The following CYP19A1 variants were observed in gnomAD, a reference collection of about 807,000 sequenced individuals.
CYP19A1 encodes the protein aromatase.
A neutral mutation model predicts 44.4 loss-of-function variants in CYP19A1; 32 were observed. The ratio of observed to expected loss-of-function variants is 0.72; its 90% confidence interval spans 0.54 to 0.97. The LOEUF (loss-of-function observed/expected upper bound fraction) is 0.97, where lower values mean the gene tolerates loss of function less well. Among genes scored for constraint, CYP19A1 ranks in the 50% least tolerant of loss-of-function variants. The probability of loss-of-function intolerance (pLI) is 0.00; values close to 1 mark genes in which losing one functional copy is unlikely to be tolerated. For synonymous variants in CYP19A1, 212 were observed against 215.6 expected, an observed-to-expected ratio of 0.98 and a Z score of 0.14; for missense variants, 598 against 637.8, an observed-to-expected ratio of 0.94 and a Z score of 0.67.
intron 5 of CYP19A1, among the ~76,000 whole-genome samples, chr15:51,220,389 C>T (rs954334332): frequency 6.6e-6 from 1 of 152,210 alleles, no homozygotes; most frequent in African/African-American, 2.4e-5. Context: ...GGAATGTAAG[C>T]CCCTTGAAGG....
intron 1 of CYP19A1, among the ~76,000 whole-genome samples, chr15:51,260,302 G>C (rs532803827): frequency 9.8e-5 from 15 of 152,348 alleles, no homozygotes; most frequent in Non-Finnish European, 1.9e-4. Context: ...TAAATGTGAA[G>C]TCAGGGGAAA....
intron 1 of CYP19A1, among the ~76,000 whole-genome samples, chr15:51,296,513 C>T (rs1046804732): frequency 2.0e-5 from 3 of 152,282 alleles, no homozygotes; most frequent in South Asian, 2.1e-4. Flanking sequence ...TGATCCCCAG[C>T]GCCAATCCAT....
chr15:51,249,669 C>T (rs1566894825), intron 1 of CYP19A1, among the ~76,000 whole-genome samples: 2 of 152,172 alleles, frequency 1.3e-5, no homozygotes, highest in Admixed American at 6.5e-5. Flanking sequence ...AATCACAGTT[C>T]TCTAGGAAGA....
intron 3 of CYP19A1, among the ~76,000 whole-genome samples, chr15:51,229,257 G>A (rs529849238): frequency 2.6e-5 from 4 of 151,966 alleles, no homozygotes; most frequent in African/African-American, 9.6e-5. Context: ...AGGTGTGGTA[G>A]TGTGTGCCTG....
At chr15:51,338,083 G>C (rs1412384948) in intron 1 of CYP19A1, among the ~76,000 whole-genome samples, 1 of 152,124 alleles carries the variant, frequency 6.6e-6, no homozygotes, top group African/African-American at 2.4e-5. Flanking sequence ...AATAGAGCCT[G>C]CCTGGCTCCA....
At chr15:51,318,229 AT>A (rs1360455477) in intron 1 of CYP19A1, among the ~76,000 whole-genome samples, 1 of 147,506 alleles carries the variant, frequency 6.8e-6, no homozygotes, top group East Asian at 2.0e-4. Context: ...AAAAAAAAAA[AT>A]TTACAGGTGA....
intron 1 of CYP19A1, among the ~76,000 whole-genome samples, chr15:51,321,294 C>CCA (rs1397203665): frequency 6.6e-6 from 1 of 152,164 alleles, no homozygotes; most frequent in African/African-American, 2.4e-5. Context: ...CCCCATCCAC[C>CCA]CACCATGCCC....
chr15:51,225,438 GC>G (rs1336046731), intron 4 of CYP19A1, among the ~76,000 whole-genome samples: 2 of 152,138 alleles, frequency 1.3e-5, no homozygotes, highest in Non-Finnish European at 2.9e-5. Context: ...CTTCACAACA[GC>G]CCTAGAGTGC....
At chr15:51,234,012 G>A (rs1422845805) in intron 3 of CYP19A1, among the ~76,000 whole-genome samples, 1 of 152,088 alleles carries the variant, frequency 6.6e-6, no homozygotes, top group Non-Finnish European at 1.5e-5. Flanking sequence ...GGACGAAGCT[G>A]GTTGGAAAAG....
intron 1 of CYP19A1, among the ~76,000 whole-genome samples, chr15:51,273,786 A>G (rs1053513529): frequency 5.9e-5 from 9 of 152,180 alleles, no homozygotes; most frequent in African/African-American, 2.2e-4. Flanking sequence ...TGGGTGGATC[A>G]CCTGAGGTCA....
intron 1 of CYP19A1, among the ~76,000 whole-genome samples, chr15:51,318,051 T>A (rs2036459788): frequency 6.6e-6 from 1 of 152,196 alleles, no homozygotes; most frequent in African/African-American, 2.4e-5. Flanking sequence ...GATCTGGACC[T>A]ATCCTTAACT....
chr15:51,320,165 C>G (rs1333078517), intron 1 of CYP19A1: 1 of 152,378 alleles, frequency 6.6e-6, no homozygotes, highest in South Asian at 2.1e-4. Context: ...CCATCCTCGG[C>G]TCCCATCCCT....
At chr15:51,335,233 T>C (rs1380500420) in intron 1 of CYP19A1, among the ~76,000 whole-genome samples, 1 of 152,166 alleles carries the variant, frequency 6.6e-6, no homozygotes, top group East Asian at 1.9e-4. Context: ...GGATTTGAAA[T>C]GGCATCACCT....
intron 1 of CYP19A1, among the ~76,000 whole-genome samples, chr15:51,293,050 G>A (rs1328167972): frequency 2.0e-5 from 3 of 151,970 alleles, no homozygotes; most frequent in African/African-American, 7.3e-5. Flanking sequence ...TGGCCGAGCT[G>A]TGGGAACAAG....
intron 1 of CYP19A1, chr15:51,312,996 G>T (rs1355153995): frequency 6.6e-6 from 1 of 152,224 alleles, no homozygotes; most frequent in Non-Finnish European, 1.5e-5. Flanking sequence ...AAGGCGTTGT[G>T]GTTCCCTCCC....
At chr15:51,295,092 A>G (rs2035962551) in intron 1 of CYP19A1, among the ~76,000 whole-genome samples, 1 of 151,482 alleles carries the variant, frequency 6.6e-6, no homozygotes, top group African/African-American at 2.4e-5. Flanking sequence ...TGAATACTCA[A>G]AATTCTTCAG....
chr15:51,305,136 G>T (rs1359346392), intron 1 of CYP19A1, among the ~76,000 whole-genome samples: 1 of 152,068 alleles, frequency 6.6e-6, no homozygotes, highest in African/African-American at 2.4e-5. Context: ...CTGACCTCAA[G>T]TTATCCGCCC....
chr15:51,269,742 G>A (rs1162303190), intron 1 of CYP19A1, among the ~76,000 whole-genome samples: 1 of 152,118 alleles, frequency 6.6e-6, no homozygotes, highest in East Asian at 1.9e-4. Flanking sequence ...TTTGCTTGGG[G>A]GTTCCCTACT....
At chr15:51,329,469 G>A (rs1293773290) in intron 1 of CYP19A1, among the ~76,000 whole-genome samples, 1 of 152,190 alleles carries the variant, frequency 6.6e-6, no homozygotes, top group East Asian at 1.9e-4. Flanking sequence ...GAAGACATGG[G>A]TATTAGTAGT....
Sources: allele counts gnomAD v4.1 joint callset (sites outside exome capture counted in the v4.1 genomes callset), GRCh38; gene constraint gnomAD v4.1.1; transcripts MANE v1.5; gene names NCBI Gene and HGNC (gene_info 2026-07-23, HGNC 2026-07-21).